Variants in VIRMA observed in about 807,000 individuals in gnomAD.
VIRMA encodes the protein vir like m6A methyltransferase associated, also known as protein virilizer homolog.
VIRMA carries 65 observed loss-of-function variants against 182.4 expected under a neutral mutation model. The observed-to-expected ratio is 0.36, with a 90% CI of 0.29 to 0.44. VIRMA has a LOEUF of 0.44. Ranked by LOEUF, VIRMA falls within the 20% of genes least tolerant of loss-of-function variation. The pLI is 1.00. For missense variants in VIRMA, 1,752 were observed against 2,158.1 expected, an observed-to-expected ratio of 0.81 and a Z score of 3.73; for synonymous variants, 709 against 743.1, an observed-to-expected ratio of 0.95 and a Z score of 0.75.
Position 94,519,461 on chromosome 8 carries a change from A to T in VIRMA, c.2037T>A (p.His679Gln). The T allele has an allele frequency of 6.6e-7, 1 of 1,524,800 alleles. No individual in the cohort carries two copies. The highest frequency in any genetic ancestry group is 8.8e-7 in the Non-Finnish European group (1 of 1,140,582). The allele number at this position is 1,524,800 out of a possible 1,614,324, so 94.5% of individuals were successfully genotyped here. ...YPVLFRYLHS[H>Q]HFLELVTLLL... Reference sequence around the variant, plus strand: ...GCAAGGTAACCAACTCCAAGAAGTGATGACTGTGAAGATATCTGTGGAAGA... The same window carrying T: ...GCAAGGTAACCAACTCCAAGAAGTGTTGACTGTGAAGATATCTGTGGAAGA... The change falls in exon 9 of 24, where the codon CAT becomes CAA. Residue 679 changes from histidine to glutamine, a missense_variant. Physicochemically the swap from His to Gln is conservative, Grantham distance 24 (BLOSUM62 0). Coordinates refer to ENST00000297591, the MANE Select transcript of VIRMA (RefSeq NM_015496.5).
At chr8:94,537,016 G>A (rs1451201693) in intron 4 of VIRMA, 87 bp downstream of exon 4, 17 of 889,412 alleles carry the variant, frequency 1.9e-5, no homozygotes, top group Non-Finnish European at 3.0e-5. Context: ...ATGACACTCT[G>A]CAACACTGAT....
intron 8 of VIRMA, 136 bp downstream of exon 8, chr8:94,526,087 A>G: frequency 1.5e-6 from 1 of 679,102 alleles, no homozygotes; most frequent in Middle Eastern, 3.2e-4. Context: ...TCCACTACTA[A>G]ATAACCGTTT....
intron 16 of VIRMA, among the ~76,000 whole-genome samples, chr8:94,505,677 T>G (rs949985317): frequency 6.6e-6 from 1 of 151,912 alleles, no homozygotes; most frequent in South Asian, 2.1e-4. Flanking sequence ...TAGAGATAAG[T>G]CTCCCTATGT....
intron 2 of VIRMA, among the ~76,000 whole-genome samples, chr8:94,539,808 C>CATGA (rs1237739442): frequency 6.6e-6 from 1 of 152,192 alleles, no homozygotes; most frequent in African/African-American, 2.4e-5. Context: ...ACTCTGCCCT[C>CATGA]ATGAATGAAT....
chr8:94,546,870 A>G (rs768593882), intron 1 of VIRMA: 2 of 454,826 alleles, frequency 4.4e-6, no homozygotes, highest in Non-Finnish European at 8.8e-6. Flanking sequence ...ACTGTTGCCA[A>G]GCCAAATTCC....
At chr8:94,495,676 C>T (rs1813749944) in intron 19 of VIRMA, 55 bp downstream of exon 19, 1 of 1,517,768 alleles carries the variant, frequency 6.6e-7, no homozygotes, top group African/African-American at 1.4e-5. Context: ...ACCCCCTAGA[C>T]TACAGCCATT....
chr8:94,496,199 G>T (rs1813767733), intron 18 of VIRMA, 129 bp downstream of exon 18: 2 of 782,974 alleles, frequency 2.6e-6, no homozygotes, highest in African/African-American at 1.8e-5. Context: ...AATTCAAAGA[G>T]TTATTTGAAA....
At chr8:94,496,222 C>T in intron 18 of VIRMA, 106 bp downstream of exon 18, 1 of 914,082 alleles carries the variant, frequency 1.1e-6, no homozygotes. Flanking sequence ...GTACAAACAC[C>T]CAGCTAAAGA....
At chr8:94,507,222 G>A (rs911289290) in intron 15 of VIRMA, among the ~76,000 whole-genome samples, 38 of 149,046 alleles carry the variant, frequency 2.5e-4, no homozygotes, top group East Asian at 8.0e-4. Flanking sequence ...TGCAACCTTC[G>A]CCTCCCAGGT....
At chr8:94,530,461 C>T (rs2130359215) in intron 6 of VIRMA, among the ~76,000 whole-genome samples, 1 of 145,788 alleles carries the variant, frequency 6.9e-6, no homozygotes, top group Non-Finnish European at 1.5e-5. Flanking sequence ...GGTGCCACTG[C>T]ACTCTAGCCT....
At chr8:94,552,770 TTAAC>T (rs1345962632) in intron 1 of VIRMA, among the ~76,000 whole-genome samples, 1 of 152,162 alleles carries the variant, frequency 6.6e-6, no homozygotes, top group East Asian at 1.9e-4. Context: ...GCTGATGAGT[TTAAC>T]TATAATTCTC....
At chr8:94,533,483 C>T (rs1815236455) in intron 5 of VIRMA, 1 of 152,282 alleles carries the variant, frequency 6.6e-6, no homozygotes. Flanking sequence ...GCTCTGTTGC[C>T]TAGGCTGGAG....
chr8:94,490,494 A>T (rs555181521), intron 22 of VIRMA, among the ~76,000 whole-genome samples: 1 of 152,320 alleles, frequency 6.6e-6, no homozygotes, highest in African/African-American at 2.4e-5. Context: ...AGCAGGTATG[A>T]AAACATGTTT....
intron 1 of VIRMA, among the ~76,000 whole-genome samples, chr8:94,552,754 A>T (rs1816041511): frequency 6.6e-6 from 1 of 152,184 alleles, no homozygotes; most frequent in Non-Finnish European, 1.5e-5. Context: ...CTCAAAGGAG[A>T]TGTCTGCTGA....
Position 94,522,774 on chromosome 8 carries a change from G to A in VIRMA, c.2022-3298C>T, listed in dbSNP as rs532973267. ...TAAAACCCAGTACCTAGAAACCTCAGACTATCTTATCTTCCTAGTAACTCT... is the reference window on the plus strand; with the variant it reads ...TAAAACCCAGTACCTAGAAACCTCAAACTATCTTATCTTCCTAGTAACTCT... On this transcript the variant is annotated intron_variant, in intron 8 of 23. Transcript: ENST00000297591. Among the ~76,000 whole-genome samples the A allele has an allele frequency of 2.6e-5, 4 of 152,206 alleles. No individual in the cohort carries two copies. In the South Asian group the frequency reaches 8.3e-4, roughly 32 times the overall value.
Position 94,534,870 on chromosome 8 carries a change from T to C in VIRMA, c.453A>G (p.Pro151=), listed in dbSNP as rs778585981. 5 of 1,603,414 alleles carry C rather than the reference T, an allele frequency of 3.1e-6. No individual in the cohort carries two copies. Among genetic ancestry groups the C allele is most frequent in the Non-Finnish European group, 4.3e-6 (5 of 1,173,944 alleles). Reference sequence around the variant, plus strand: ...TTGGATTCCTTTTCAAACTTGGTTGTGGCTGGGGAGGTGGTGGCGGTGGAG... The same window carrying C: ...TTGGATTCCTTTTCAAACTTGGTTGCGGCTGGGGAGGTGGTGGCGGTGGAG... The part of the protein sequence containing the change: ...PPPPPPPPPQ[P]QPSLKRNPKH... The change falls in exon 5 of 24, where the codon CCA becomes CCG. Residue 151 remains proline, a synonymous_variant. Transcript: ENST00000297591.
chr8:94,546,839 A>G (rs1220028408), intron 1 of VIRMA: 1 of 442,704 alleles, frequency 2.3e-6, no homozygotes, highest in East Asian at 7.0e-5. Context: ...TAAACTATAA[A>G]TGTACCACTC....
rs1866845 is a variant in VIRMA, at chr8:94,538,129, A to T, written c.266+131T>A. On this transcript the variant is annotated intron_variant, in intron 3 of 23. Transcript: ENST00000297591. ...AGTTTGACATTTCTTTAATACCACC[A>T]TGACACAATTAAACCCTGTGTTCTT... 411,527 of 670,600 alleles carry T rather than the reference A, an allele frequency of 0.61. 129,296 individuals are homozygous for T. The highest frequency in any genetic ancestry group is 0.81 in the East Asian group (30,593 of 37,870). 41.5% of individuals were successfully genotyped at this position (670,600 alleles called of 1,614,324 possible). A position where few individuals can be genotyped will look rare whatever the true frequency, so the allele number is the denominator to read the frequency against.
At chr8:94,546,100 T>C (rs1742879296) in intron 1 of VIRMA, among the ~76,000 whole-genome samples, 1 of 149,448 alleles carries the variant, frequency 6.7e-6, no homozygotes, top group Non-Finnish European at 1.5e-5. Flanking sequence ...TAGTTCATCA[T>C]AGCTAGAGGG....
Sources: allele counts gnomAD v4.1 joint callset (sites outside exome capture counted in the v4.1 genomes callset), GRCh38; gene constraint gnomAD v4.1.1; transcripts MANE v1.5; gene names NCBI Gene and HGNC (gene_info 2026-07-23, HGNC 2026-07-21).